ARHGEF38: variants seen among roughly 807,000 people sequenced by gnomAD.
The protein encoded by ARHGEF38 is Rho guanine nucleotide exchange factor (GEF) 38.
In ARHGEF38, 79 loss-of-function variants were observed where a neutral mutation model predicts 79.9. The ratio of observed to expected loss-of-function variants is 0.99; its 90% CI spans 0.82 to 1.19. The LOEUF (loss-of-function observed/expected upper bound fraction) is 1.19. ARHGEF38 is among the 50% of genes most tolerant of loss of function. The probability of loss-of-function intolerance (pLI) is 0.00; values close to 1 mark genes in which losing one functional copy is unlikely to be tolerated. For missense variants in ARHGEF38, 962 were observed against 907.2 expected (o/e 1.06, Z -0.78); for synonymous variants, 366 against 328.3 (o/e 1.11, Z -1.24).
chr4:105,608,195 G>C (rs183120027), intron 2 of ARHGEF38, among the ~76,000 whole-genome samples: 2 of 152,148 alleles, frequency 1.3e-5, no homozygotes, highest in Non-Finnish European at 2.9e-5. Flanking sequence ...CAGTGTGCAA[G>C]AGTTCACTAT....
intron 3 of ARHGEF38, among the ~76,000 whole-genome samples, chr4:105,625,113 A>G (rs1045378653): frequency 6.6e-6 from 1 of 152,224 alleles, no homozygotes; most frequent in African/African-American, 2.4e-5. Context: ...TTATTTTTGT[A>G]AACATTATCT....
Position 105,667,230 on chromosome 4 carries a change from A to G in ARHGEF38, c.1791A>G (p.Gln597=). 3 of 1,536,202 alleles carry G rather than the reference A, an allele frequency of 2.0e-6. No homozygotes were observed. In the South Asian group the frequency reaches 3.6e-5, roughly 18 times the overall value. ...YQAKRKCNAT[Q]EYDINLLEGD... is the part of the protein sequence containing the mutation. ...CTAAGCGCAAGTGCAATGCTACACA[A>G]GAATATGACATCAATCTTCTGGAAG... Residue 597 remains glutamine, a synonymous_variant, in exon 12 of 14, where the codon CAA becomes CAG. Coordinates refer to ENST00000420470, the MANE Select transcript of ARHGEF38 (RefSeq NM_001242729.2).
At chr4:105,633,932 T>C (rs1560735748) in intron 4 of ARHGEF38, among the ~76,000 whole-genome samples, 1 of 152,142 alleles carries the variant, frequency 6.6e-6, no homozygotes, top group Non-Finnish European at 1.5e-5. Context: ...CCTGGTTCTG[T>C]AAAAGACCCA....
intron 3 of ARHGEF38, among the ~76,000 whole-genome samples, chr4:105,613,803 T>C (rs1728404519): frequency 6.6e-6 from 1 of 152,190 alleles, no homozygotes; most frequent in Non-Finnish European, 1.5e-5. Flanking sequence ...TGGCTAACAC[T>C]TACTTGATCC....
intron 2 of ARHGEF38, among the ~76,000 whole-genome samples, chr4:105,612,841 G>T (rs1419389563): frequency 6.6e-6 from 1 of 151,962 alleles, no homozygotes; most frequent in Non-Finnish European, 1.5e-5. Context: ...TTAAGGGTGT[G>T]CATGAAATAA....
intron 3 of ARHGEF38, among the ~76,000 whole-genome samples, chr4:105,616,626 T>G (rs1331087525): frequency 6.6e-6 from 1 of 152,100 alleles, no homozygotes; most frequent in Non-Finnish European, 1.5e-5. Context: ...AGATGAGACT[T>G]GGCAGGGGGG....
intron 1 of ARHGEF38, among the ~76,000 whole-genome samples, chr4:105,588,428 C>T (rs532065074): frequency 3.5e-4 from 54 of 152,324 alleles, no homozygotes; most frequent in Middle Eastern, 3.4e-3. Context: ...TGATGTTTAT[C>T]GCCACTTTGA....
chr4:105,561,454 A>AGAATAGAATG (rs1578253480), intron 1 of ARHGEF38: 57 of 36,182 alleles, frequency 1.6e-3, no homozygotes, highest in Middle Eastern at 0.013. Flanking sequence ...AGAATGGAAT[A>AGAATAGAATG]GAATAGAATA....
chr4:105,561,439 A>AATGGAATGGAATGGAATG (rs1560684419), intron 1 of ARHGEF38, among the ~76,000 whole-genome samples: 26 of 44,692 alleles, frequency 5.8e-4, no homozygotes, highest in African/African-American at 1.8e-3. Flanking sequence ...AGAATAGAAT[A>AATGGAATGGAATGGAATG]GAATAGAATG....
At position 105,612,853 on chromosome 4, in the gene ARHGEF38, A is replaced by G. The variant is rs560602509; in HGVS notation, c.385-531A>G. Among the ~76,000 whole-genome samples the G allele has an allele frequency of 1.8e-4, 27 of 151,626 alleles. No homozygotes were observed. The South Asian group carries it at 5.2e-3, about 29-fold the overall frequency. On this transcript the variant is annotated intron_variant, in intron 2 of 13. Transcript: ENST00000420470. ...TTGTTAAGGGTGTGCATGAAATAACAAAATATAATGAATCCTTAATTAGTA... is the reference window on the plus strand; with the variant it reads ...TTGTTAAGGGTGTGCATGAAATAACGAAATATAATGAATCCTTAATTAGTA...
At position 105,594,136 on chromosome 4, in the gene ARHGEF38, T is replaced by A. The variant is rs181623799; in HGVS notation, c.384+4701T>A. On this transcript the variant is annotated intron_variant, in intron 2 of 13. Transcript: ENST00000420470. Reference sequence around the variant, plus strand: ...TCTCTTAAGGTTCTCAGAATTCTCATGTCAGATCTGCCTTTTTCCCACTTC... The same window carrying A: ...TCTCTTAAGGTTCTCAGAATTCTCAAGTCAGATCTGCCTTTTTCCCACTTC... Among the ~76,000 whole-genome samples, 934 of 152,354 alleles carry A rather than the reference T, an allele frequency of 6.1e-3. 8 individuals carry two copies. Among genetic ancestry groups the A allele is most frequent in the African/African-American group, 0.022 (899 of 41,584 alleles).
At chr4:105,581,106 C>A (rs1182840636) in intron 1 of ARHGEF38, among the ~76,000 whole-genome samples, 5 of 152,112 alleles carry the variant, frequency 3.3e-5, no homozygotes, top group African/African-American at 9.7e-5. Context: ...AGTTGGAGGC[C>A]AAGAACAAGT....
At chr4:105,597,724 A>T (rs1727644484) in intron 2 of ARHGEF38, among the ~76,000 whole-genome samples, 1 of 152,216 alleles carries the variant, frequency 6.6e-6, no homozygotes, top group African/African-American at 2.4e-5. Context: ...ACCCCACAAC[A>T]TCAAAATCCA....
chr4:105,608,006 G>T (rs1401536575), intron 2 of ARHGEF38, among the ~76,000 whole-genome samples: 2 of 152,042 alleles, frequency 1.3e-5, no homozygotes, highest in African/African-American at 4.8e-5. Context: ...GTAGGCAACA[G>T]AAACTTATTT....
chr4:105,677,832 C>CAGAG lies in ARHGEF38; in HGVS notation c.2231_2232insAGAG (p.Phe745GlufsTer4). 1 of 1,535,546 alleles carries CAGAG rather than the reference C, an allele frequency of 6.5e-7. No individual in the cohort carries two copies. On this transcript the variant is annotated frameshift_variant, in exon 14 of 14. Coordinates refer to ENST00000420470, the MANE Select transcript of ARHGEF38 (RefSeq NM_001242729.2). LOFTEE classifies it high-confidence loss of function. ...AGGAATACCAGAGAGTTCATATACTCAGGTTTTGTGACCTAAGTGGCAATA... is the reference window on the plus strand; with the variant it reads ...AGGAATACCAGAGAGTTCATATACTCAGAGAGGTTTTGTGACCTAAGTGGCAATA...
chr4:105,587,623 G>T (rs1422137275), intron 1 of ARHGEF38, among the ~76,000 whole-genome samples: 27 of 152,062 alleles, frequency 1.8e-4, no homozygotes, highest in Admixed American at 1.8e-3. Flanking sequence ...ACCACGCCCG[G>T]CTCTTTTGTT....
chr4:105,567,888 G>A (rs948083885), intron 1 of ARHGEF38, among the ~76,000 whole-genome samples: 3 of 150,780 alleles, frequency 2.0e-5, no homozygotes, highest in Non-Finnish European at 4.4e-5. Context: ...CCACTAACTC[G>A]TCATCTAGCA....
intron 1 of ARHGEF38, among the ~76,000 whole-genome samples, chr4:105,576,787 T>G (rs1726523914): frequency 6.6e-6 from 1 of 152,030 alleles, no homozygotes; most frequent in Non-Finnish European, 1.5e-5. Context: ...TCTTCCTCAG[T>G]GTGATGTTGG....
In ARHGEF38 at chr4:105,589,396, G is replaced by A. The variant is rs1727214928; in HGVS notation, c.345G>A (p.Leu115=). 6.2e-7 allele frequency: 1 copy of A among 1,613,044 alleles called. No individual in the cohort carries two copies. Among genetic ancestry groups the A allele is most frequent in the African/African-American group, 1.3e-5 (1 of 74,986 alleles). Residue 115 remains leucine (L), a synonymous_variant, in exon 2 of 14, where the codon CTG becomes CTA. Transcript: ENST00000420470. Reference sequence around the variant, plus strand: ...AGGATTATCTCAATGATCTAGAGCTGTGTGTTAGGGAAGTGGTTCAGCCCC... The same window carrying A: ...AGGATTATCTCAATGATCTAGAGCTATGTGTTAGGGAAGTGGTTCAGCCCC... ...TEKDYLNDLE[L]CVREVVQPLR...
Sources: allele counts gnomAD v4.1 joint callset (sites outside exome capture counted in the v4.1 genomes callset), GRCh38; gene constraint gnomAD v4.1.1; transcripts MANE v1.5; gene names NCBI Gene and HGNC (gene_info 2026-07-23, HGNC 2026-07-21).